DCDC2: variants seen among roughly 807,000 people sequenced by gnomAD.
DCDC2 encodes the protein doublecortin domain-containing protein 2.
A neutral mutation model predicts 50.2 loss-of-function variants in DCDC2; 40 were observed. That is an observed-to-expected ratio of 0.80 (90% CI 0.62 to 1.04). DCDC2 has a LOEUF of 1.04. Among genes scored for constraint, DCDC2 ranks in the 50% least tolerant of loss-of-function variants. The probability of loss-of-function intolerance (pLI) is 0.00; values close to 1 mark genes in which losing one functional copy is unlikely to be tolerated. For missense variants in DCDC2, 570 were observed against 581.9 expected (o/e 0.98, Z 0.21); for synonymous variants, 234 against 210.6 (o/e 1.11, Z -0.96).
intron 7 of DCDC2, among the ~76,000 whole-genome samples, chr6:24,228,025 CTT>C (rs570124630): frequency 3.6e-4 from 55 of 152,332 alleles, no homozygotes; most frequent in East Asian, 2.1e-3. Flanking sequence ...CAAAATTACT[CTT>C]GTTTTAATTC....
Position 24,174,271 on chromosome 6 carries a change from G to A in DCDC2, c.*459C>T, listed in dbSNP as rs187084904. On this transcript the variant is annotated 3_prime_UTR_variant, in exon 10 of 10. Transcript: ENST00000378454. ...TGATCTACTGCCATCTCCAAATTAT[G>A]TCTGAAAGTAAATCGCAATCTGTTC... The A allele has an allele frequency of 1.2e-4, 18 of 153,002 alleles. 1 individual carries two copies. Among genetic ancestry groups the A allele is most frequent in the African/African-American group, 4.3e-4 (18 of 41,568 alleles). The allele number at this position is 153,002 out of a possible 1,614,324, so 9.5% of individuals were successfully genotyped here. A position where few individuals can be genotyped will look rare whatever the true frequency, so the allele number is the denominator to read the frequency against.
intron 8 of DCDC2, among the ~76,000 whole-genome samples, chr6:24,186,530 C>A (rs747830586): frequency 4.8e-5 from 7 of 144,360 alleles, no homozygotes; most frequent in Non-Finnish European, 9.1e-5. Flanking sequence ...ACAGTGGTCC[C>A]CTCAGTAGCT....
intron 7 of DCDC2, among the ~76,000 whole-genome samples, chr6:24,271,695 C>G (rs957932592): frequency 4.6e-5 from 7 of 152,154 alleles, no homozygotes; most frequent in Non-Finnish European, 7.4e-5. Context: ...CATTTGTTTT[C>G]CCACTGGAAA....
chr6:24,331,111 A>G (rs1349363155), intron 2 of DCDC2, among the ~76,000 whole-genome samples: 1 of 152,120 alleles, frequency 6.6e-6, no homozygotes, highest in Non-Finnish European at 1.5e-5. Context: ...CTAATGAAAT[A>G]TCGCCCCTTC....
chr6:24,175,327 A>G (rs1760878958), intron 9 of DCDC2, among the ~76,000 whole-genome samples: 1 of 152,182 alleles, frequency 6.6e-6, no homozygotes, highest in South Asian at 2.1e-4. Context: ...CATTTCTCCA[A>G]CAACAACTAT....
intron 7 of DCDC2, among the ~76,000 whole-genome samples, chr6:24,224,774 C>A (rs1762192683): frequency 6.6e-6 from 1 of 152,208 alleles, no homozygotes; most frequent in Non-Finnish European, 1.5e-5. Flanking sequence ...GATCCCACAG[C>A]ATGCTGGATC....
intron 2 of DCDC2, among the ~76,000 whole-genome samples, chr6:24,307,112 C>G (rs1019838466): frequency 1.4e-4 from 21 of 152,066 alleles, no homozygotes; most frequent in African/African-American, 5.1e-4. Context: ...TAAACTAGCC[C>G]AAAGGGATGC....
chr6:24,285,586 C>T (rs1282645506), intron 6 of DCDC2, among the ~76,000 whole-genome samples: 1 of 152,140 alleles, frequency 6.6e-6, no homozygotes, highest in Non-Finnish European at 1.5e-5. Flanking sequence ...AAAATTCAAT[C>T]ATCAGATGAA....
the DCDC2 span, among the ~76,000 whole-genome samples, chr6:24,382,449 C>CT: frequency 1.4e-4 from 22 of 152,028 alleles, no homozygotes; most frequent in Non-Finnish European, 3.2e-4. Flanking sequence ...CAGTCAATGC[C>CT]TTTTTTCCCC....
intron 4 of DCDC2, among the ~76,000 whole-genome samples, chr6:24,298,062 C>A (rs2113835525): frequency 6.6e-6 from 1 of 152,364 alleles, no homozygotes; most frequent in African/African-American, 2.4e-5. Context: ...AATTTCTCCA[C>A]AGACGGAGTG....
At chr6:24,175,512 G>A (rs1760884132) in intron 9 of DCDC2, among the ~76,000 whole-genome samples, 1 of 152,266 alleles carries the variant, frequency 6.6e-6, no homozygotes, top group East Asian at 1.9e-4. Context: ...CAGTCTGGGG[G>A]ACAGAGTAGC....
intron 4 of DCDC2, among the ~76,000 whole-genome samples, chr6:24,296,553 C>T (rs807710): frequency 0.98 from 149,958 of 152,276 alleles, 73,870 homozygotes; most frequent in Middle Eastern, 1. Context: ...ATGGGAGAAA[C>T]TTTTGCAAAC....
At chr6:24,220,925 A>AGAGAGG (rs1762105886) in intron 7 of DCDC2, among the ~76,000 whole-genome samples, 1 of 152,030 alleles carries the variant, frequency 6.6e-6, no homozygotes, top group African/African-American at 2.4e-5. Flanking sequence ...CGAGCGAGCG[A>AGAGAGG]GAGCACATGC....
chr6:24,321,797 GA>G (rs1209818401), intron 2 of DCDC2, among the ~76,000 whole-genome samples: 1 of 152,186 alleles, frequency 6.6e-6, no homozygotes, highest in Non-Finnish European at 1.5e-5. Flanking sequence ...ATAAAGACAT[GA>G]GACGTTTGTT....
chr6:24,217,642 G>C (rs911578677), intron 7 of DCDC2, among the ~76,000 whole-genome samples: 1 of 152,192 alleles, frequency 6.6e-6, no homozygotes, highest in African/African-American at 2.4e-5. Flanking sequence ...TTAAATCTGA[G>C]TGAGGGTGTT....
intron 8 of DCDC2, among the ~76,000 whole-genome samples, chr6:24,197,232 G>A (rs1479858427): frequency 2.0e-5 from 3 of 152,134 alleles, no homozygotes; most frequent in Non-Finnish European, 2.9e-5. Context: ...TGCATCCAAG[G>A]CTGTTCGAGC....
chr6:24,346,750 T>C (rs1274469218), intron 2 of DCDC2, among the ~76,000 whole-genome samples: 1 of 138,976 alleles, frequency 7.2e-6, no homozygotes, highest in East Asian at 2.0e-4. Context: ...CGAGACTCCA[T>C]CTCAAAAAAA....
intron 7 of DCDC2, among the ~76,000 whole-genome samples, chr6:24,270,600 G>A (rs1361508695): frequency 2.6e-5 from 4 of 152,084 alleles, no homozygotes. Context: ...AAAGGACCGG[G>A]CCCTTTCCAG....
Position 24,291,033 on chromosome 6 carries a change from C to G in DCDC2, c.603G>C (p.Leu201Phe). 6.2e-7 allele frequency: 1 copy of G among 1,614,024 alleles called. No homozygotes were observed. Among genetic ancestry groups the G allele is most frequent in the Non-Finnish European group, 8.5e-7 (1 of 1,179,944 alleles). The change falls in exon 5 of 10, where the codon TTG (leucine) becomes TTC (phenylalanine). Residue 201 changes from leucine to phenylalanine, a missense_variant. By Grantham distance (22) the Leu-to-Phe change is conservative. Transcript: ENST00000378454. The stretch of plus-strand genomic sequence containing the variant: ...CAGCCACATAAAACTGCCCATTCTC[C>G]AACTCTGCTCCACTCTCAACAAGTT... ...EGKLVESGAELENGQFYVAVG... is the reference protein window; with the variant it reads ...EGKLVESGAEFENGQFYVAVG...
Sources: allele counts gnomAD v4.1 joint callset (sites outside exome capture counted in the v4.1 genomes callset), GRCh38; gene constraint gnomAD v4.1.1; transcripts MANE v1.5; gene names NCBI Gene and HGNC (gene_info 2026-07-23, HGNC 2026-07-21).